JAKMIP1: variants seen among roughly 807,000 people sequenced by gnomAD.
The protein encoded by JAKMIP1 is janus kinase and microtubule interacting protein 1, also known as janus kinase and microtubule-interacting protein 1.
In JAKMIP1, 33 loss-of-function variants were observed where a neutral mutation model predicts 113.0. The observed-to-expected ratio is 0.29, with a 90% CI of 0.22 to 0.39. The LOEUF is 0.39. JAKMIP1 is among the 10% of genes least tolerant of loss of function. JAKMIP1 has a pLI of 1.00. For missense variants in JAKMIP1, 813 were observed against 1,080.5 expected, an observed-to-expected ratio of 0.75 and a Z score of 3.47; for synonymous variants, 480 against 459.9, an observed-to-expected ratio of 1.04 and a Z score of -0.56.
rs541299787 is a variant in JAKMIP1 at position 6,111,955 on chromosome 4, G to A, written c.129+767C>T. 8.4e-4 allele frequency among the ~76,000 whole-genome samples: 128 copies of A among 152,296 alleles called. 1 individual carries two copies. The South Asian group carries it at 0.025, about 29-fold the overall frequency. On this transcript the variant is annotated intron_variant, in intron 2 of 20. Coordinates refer to ENST00000409021, the MANE Select transcript of JAKMIP1 (RefSeq NM_001099433.2). Reference sequence around the variant, plus strand: ...TTTGAAGCCTCCTGACCATCTGAACGGATCCCTCCTCTCCACCAAGGGTCT... The same window carrying A: ...TTTGAAGCCTCCTGACCATCTGAACAGATCCCTCCTCTCCACCAAGGGTCT...
At chr4:6,070,281 C>T (rs1718771723) in intron 8 of JAKMIP1, 4 of 393,228 alleles carry the variant, frequency 1.0e-5, no homozygotes, top group Non-Finnish European at 1.8e-5. Flanking sequence ...ATTCTCTCCC[C>T]ACGCACTCCC....
rs71599874 is a variant in JAKMIP1, at chr4:6,081,021, C to G, written c.1101+588G>C. Reference sequence around the variant, plus strand: ...CACACACACACACACACACCTGCATCTGCTACAGTGCAGACAGCAGAGCAT... The same window carrying G: ...CACACACACACACACACACCTGCATGTGCTACAGTGCAGACAGCAGAGCAT... On this transcript the variant is annotated intron_variant, in intron 6 of 20. Coordinates refer to ENST00000409021, the MANE Select transcript of JAKMIP1 (RefSeq NM_001099433.2). The surrounding 1 kb of genome is among the most constrained non-coding windows in gnomAD (Gnocchi z 4.6). 1.8e-5 allele frequency among the ~76,000 whole-genome samples: 1 copy of G among 55,006 alleles called. No homozygotes were observed. Among genetic ancestry groups the G allele is most frequent in the Non-Finnish European group, 3.4e-5 (1 of 29,590 alleles). 36.1% of individuals were successfully genotyped at this position (55,006 alleles called of 152,430 possible). A position where few individuals can be genotyped will look rare whatever the true frequency, so the allele number is the denominator to read the frequency against.
chr4:6,090,740 C>T (rs966199065), intron 3 of JAKMIP1, among the ~76,000 whole-genome samples: 3 of 152,012 alleles, frequency 2.0e-5, no homozygotes, highest in Non-Finnish European at 4.4e-5. Context: ...ACCGTGACTG[C>T]CTTAAACTAG....
chr4:6,125,952 TGC>T (rs1491539603), intron 1 of JAKMIP1, among the ~76,000 whole-genome samples: 10 of 86,254 alleles, frequency 1.2e-4, no homozygotes, highest in South Asian at 3.9e-4. Context: ...ATACACACCA[TGC>T]ACACGCACAC....
chr4:6,105,810 T>C lies in JAKMIP1; in HGVS notation c.287A>G (p.Glu96Gly), dbSNP rs1348526873. 1 of 1,610,090 alleles carries C rather than the reference T, an allele frequency of 6.2e-7. No individual in the cohort carries two copies. Among genetic ancestry groups the C allele is most frequent in the Admixed American group, 1.7e-5 (1 of 59,996 alleles). The change falls in exon 3 of 21, where the codon GAG (glutamate) becomes GGG (glycine). Residue 96 changes from glutamate (E) to glycine (G), a missense_variant. This residue lies in a region of JAKMIP1 where 540 missense variants were observed against 653.9 expected (regional missense o/e 0.83). Coordinates refer to ENST00000409021, the MANE Select transcript of JAKMIP1 (RefSeq NM_001099433.2). ...CTTGGCGGTGCGCGCCGCCTCCTGCTCGTGCTGCCGGATGAGCCCCTCGCG... is the reference window on the plus strand; with the variant it reads ...CTTGGCGGTGCGCGCCGCCTCCTGCCCGTGCTGCCGGATGAGCCCCTCGCG... The part of the protein sequence containing the change: ...ALREGLIRQH[E>G]QEAARTAKIK...
rs1234825044 is a variant in JAKMIP1 at position 6,140,396 on chromosome 4, C to T, written c.-147-27399G>A. ...AGGCTGGCTCAGCAGGAGCACTGTC[C>T]CTGTTCCCCCAAAAGGCCCACCACA... On this transcript the variant is annotated intron_variant, in intron 1 of 20. Transcript: ENST00000409021. The surrounding 1 kb of genome is among the most constrained non-coding windows in gnomAD (Gnocchi z 9.4). 6.6e-6 allele frequency among the ~76,000 whole-genome samples: 1 copy of T among 152,048 alleles called. No homozygotes were observed. Among genetic ancestry groups the T allele is most frequent in the Non-Finnish European group, 1.5e-5 (1 of 68,034 alleles).
rs1720363869 is a variant in JAKMIP1 at position 6,080,604 on chromosome 4, G to A, written c.1102-292C>T. Among the ~76,000 whole-genome samples, 1 of 152,114 alleles carries A rather than the reference G, an allele frequency of 6.6e-6. No individual in the cohort carries two copies. The highest frequency in any genetic ancestry group is 2.4e-5 in the African/African-American group (1 of 41,412). ...GAATAAGTCTCTGATGTTTTTATAA[G>A]GGTTTTCCCCTTTTACTTGGCTCTC... On this transcript the variant is annotated intron_variant, in intron 6 of 20. Coordinates refer to ENST00000409021, the MANE Select transcript of JAKMIP1 (RefSeq NM_001099433.2). This position sits in a 1 kb window ranked among gnomAD's most constrained non-coding sequence, Gnocchi z 6.0.
chr4:6,035,585 G>A (rs543203921), intron 19 of JAKMIP1, among the ~76,000 whole-genome samples: 1 of 152,286 alleles, frequency 6.6e-6, no homozygotes, highest in African/African-American at 2.4e-5. Context: ...AAACCATTCA[G>A]CGGATGCCTC....
At chr4:6,083,061 T>C (rs550154435) in intron 5 of JAKMIP1, among the ~76,000 whole-genome samples, 2 of 152,174 alleles carry the variant, frequency 1.3e-5, no homozygotes, top group South Asian at 4.2e-4. Context: ...TATTTAAACA[T>C]TAAGAACATT....
chr4:6,128,143 A>C (rs1253556367), intron 1 of JAKMIP1, among the ~76,000 whole-genome samples: 1 of 152,136 alleles, frequency 6.6e-6, no homozygotes, highest in Non-Finnish European at 1.5e-5. Context: ...GGCCACAGTC[A>C]TGTGGTTAGA....
At chr4:6,090,081 G>A (rs1397982439) in intron 3 of JAKMIP1, among the ~76,000 whole-genome samples, 1 of 152,144 alleles carries the variant, frequency 6.6e-6, no homozygotes, top group African/African-American at 2.4e-5. Flanking sequence ...AATTAGCCAG[G>A]TGAGGTGGTG....
intron 12 of JAKMIP1, among the ~76,000 whole-genome samples, chr4:6,055,440 C>T (rs529256735): frequency 5.2e-4 from 79 of 152,302 alleles, no homozygotes; most frequent in South Asian, 4.6e-3. Flanking sequence ...GCAGACTCTC[C>T]GAGAGCTCTG....
chr4:6,056,578 C>G (rs373580547), intron 12 of JAKMIP1, 119 bp downstream of exon 12: 2 of 745,894 alleles, frequency 2.7e-6, no homozygotes, highest in East Asian at 2.5e-5. Context: ...GTGCAGGACC[C>G]GAGGCCCTGG....
At chr4:6,164,134 T>C (rs1338504276) in intron 1 of JAKMIP1, among the ~76,000 whole-genome samples, 2 of 152,222 alleles carry the variant, frequency 1.3e-5, no homozygotes, top group Non-Finnish European at 2.9e-5. Flanking sequence ...GAAGATGCCA[T>C]CTAGGACTTT....
At chr4:6,095,244 G>A (rs1285127941) in intron 3 of JAKMIP1, among the ~76,000 whole-genome samples, 5 of 130,626 alleles carry the variant, frequency 3.8e-5, no homozygotes, top group African/African-American at 8.5e-5. Flanking sequence ...GGAAAGGAGC[G>A]AAGGAAAAAG....
chr4:6,196,802 A>G (rs1727893927), intron 1 of JAKMIP1, among the ~76,000 whole-genome samples: 1 of 151,776 alleles, frequency 6.6e-6, no homozygotes, highest in African/African-American at 2.4e-5. Context: ...CGGATGTTGC[A>G]GTGAGCCAAA....
chr4:6,098,686 A>G (rs866644018), intron 3 of JAKMIP1, among the ~76,000 whole-genome samples: 2 of 7,658 alleles, frequency 2.6e-4, no homozygotes, highest in South Asian at 9.8e-3. Flanking sequence ...GAAAGAAAGA[A>G]AGAAAGAAAG....
intron 3 of JAKMIP1, among the ~76,000 whole-genome samples, chr4:6,090,756 C>T (rs1315270902): frequency 1.3e-5 from 2 of 152,046 alleles, no homozygotes; most frequent in African/African-American, 2.4e-5. Flanking sequence ...ACTAGAGCAT[C>T]GCTGCCCCAG....
rs1401864919 is a variant in JAKMIP1, at chr4:6,080,259, G to T, written c.1155C>A (p.Asp385Glu). Reference sequence around the variant, plus strand: ...CCTGCTCATCCCTCGTCAGGCTGAGGTCATTCAAGGAGGTATGCCGCTTCA... The same window carrying T: ...CCTGCTCATCCCTCGTCAGGCTGAGTTCATTCAAGGAGGTATGCCGCTTCA... ...ASLKRHTSLN[D>E]LSLTRDEQEI... The change falls in exon 7 of 21, where the codon GAC becomes GAA. Residue 385 changes from aspartate to glutamate, a missense_variant. By Grantham distance (45) the Asp-to-Glu change is conservative (BLOSUM62 2). Around this residue, in one of 2 missense-constraint regions of JAKMIP1, gnomAD observed 540 missense variants for 653.9 expected, o/e 0.83. Coordinates refer to ENST00000409021, the MANE Select transcript of JAKMIP1 (RefSeq NM_001099433.2). The surrounding 1 kb of genome is among the most constrained non-coding windows in gnomAD (Gnocchi z 6.0). The T allele has an allele frequency of 1.9e-6, 3 of 1,614,104 alleles. No individual in the cohort carries two copies. Among genetic ancestry groups the T allele is most frequent in the East Asian group, 4.5e-5 (2 of 44,894 alleles).
Sources: gnomAD v4.1 joint callset for allele counts (sites outside exome capture counted in the v4.1 genomes callset) on GRCh38, gnomAD v4.1.1 for gene constraint, gnomAD v4.1.1 regional missense constraint, Gnocchi (gnomAD v3.1) non-coding constraint, MANE v1.5 for transcripts, NCBI Gene and HGNC (gene_info 2026-07-23, HGNC 2026-07-21) for gene names.